Variants in GUCY1A2 observed in about 807,000 individuals in gnomAD.
GUCY1A2 encodes guanylate cyclase 1 soluble subunit alpha 2.
A neutral mutation model predicts 63.5 loss-of-function variants in GUCY1A2; 27 were observed. The observed-to-expected ratio is 0.43, with a 90% CI of 0.31 to 0.59. The LOEUF (loss-of-function observed/expected upper bound fraction) is 0.59. GUCY1A2 is among the 20% of genes least tolerant of loss of function. The probability of loss-of-function intolerance (pLI) is 0.11; values close to 1 mark genes in which losing one functional copy is unlikely to be tolerated. For missense variants in GUCY1A2, 768 were observed against 913.3 expected, an observed-to-expected ratio of 0.84 and a Z score of 2.05; for synonymous variants, 364 against 343.5, an observed-to-expected ratio of 1.06 and a Z score of -0.66.
chr11:106,814,596 C>G (rs972995761), intron 4 of GUCY1A2, among the ~76,000 whole-genome samples: 2 of 152,048 alleles, frequency 1.3e-5, no homozygotes, highest in African/African-American at 4.8e-5. Flanking sequence ...AAAATCCCCT[C>G]CATATAGAGA....
At chr11:107,015,267 A>G (rs903107796) in intron 1 of GUCY1A2, among the ~76,000 whole-genome samples, 4 of 152,308 alleles carry the variant, frequency 2.6e-5, no homozygotes, top group South Asian at 4.1e-4. Context: ...TGGCATGGAA[A>G]GTATATAGAG....
At chr11:106,835,950 T>C (rs1326612013) in intron 4 of GUCY1A2, among the ~76,000 whole-genome samples, 1 of 152,002 alleles carries the variant, frequency 6.6e-6, no homozygotes, top group Non-Finnish European at 1.5e-5. Flanking sequence ...TAGGTAAATC[T>C]AAGCAAAAAT....
At chr11:106,865,242 ATC>A (rs1859575117) in intron 4 of GUCY1A2, among the ~76,000 whole-genome samples, 1 of 152,002 alleles carries the variant, frequency 6.6e-6, no homozygotes, top group African/African-American at 2.4e-5. Flanking sequence ...CAGTAGTGAT[ATC>A]TCTTTTATCA....
intron 2 of GUCY1A2, among the ~76,000 whole-genome samples, chr11:106,981,373 C>A (rs1360291633): frequency 6.7e-6 from 1 of 149,894 alleles, no homozygotes; most frequent in Non-Finnish European, 1.5e-5. Context: ...ATAATTGGAG[C>A]AATACAATTT....
chr11:106,693,251 C>T (rs1421857814), intron 7 of GUCY1A2, among the ~76,000 whole-genome samples: 4 of 152,182 alleles, frequency 2.6e-5, no homozygotes, highest in Non-Finnish European at 5.9e-5. Flanking sequence ...GTTCATTCTT[C>T]TCTCAACTTG....
intron 4 of GUCY1A2, among the ~76,000 whole-genome samples, chr11:106,840,624 G>T (rs1467449479): frequency 6.6e-6 from 1 of 151,940 alleles, no homozygotes; most frequent in Non-Finnish European, 1.5e-5. Flanking sequence ...TACACATAAA[G>T]AGGTGTAAAA....
chr11:106,721,868 T>C (rs1286671991), intron 6 of GUCY1A2, among the ~76,000 whole-genome samples: 1 of 152,214 alleles, frequency 6.6e-6, no homozygotes, highest in Non-Finnish European at 1.5e-5. Context: ...ACTGAAGTTA[T>C]GAGCACAGAT....
intron 6 of GUCY1A2, among the ~76,000 whole-genome samples, chr11:106,736,753 G>A (rs923497642): frequency 2.0e-5 from 3 of 152,004 alleles, no homozygotes; most frequent in African/African-American, 4.8e-5. Flanking sequence ...TGATCCTTCC[G>A]ATCCATTAAT....
intron 4 of GUCY1A2, among the ~76,000 whole-genome samples, chr11:106,813,862 A>C (rs1386358502): frequency 6.6e-6 from 1 of 152,130 alleles, no homozygotes; most frequent in Non-Finnish European, 1.5e-5. Context: ...TGTGCTGAGT[A>C]CTTAATTAAT....
intron 1 of GUCY1A2, among the ~76,000 whole-genome samples, chr11:107,008,810 A>G (rs527352577): frequency 6.6e-6 from 1 of 152,346 alleles, no homozygotes; most frequent in African/African-American, 2.4e-5. Flanking sequence ...GTACATAAAA[A>G]CAGTCAGAAA....
chr11:106,965,409 G>A (rs1861114820), intron 3 of GUCY1A2, among the ~76,000 whole-genome samples: 1 of 152,090 alleles, frequency 6.6e-6, no homozygotes, highest in South Asian at 2.1e-4. Flanking sequence ...ACATACATAT[G>A]TATACATGTA....
At chr11:106,873,747 T>G (rs1198445386) in intron 4 of GUCY1A2, among the ~76,000 whole-genome samples, 2 of 152,218 alleles carry the variant, frequency 1.3e-5, no homozygotes, top group Non-Finnish European at 1.5e-5. Flanking sequence ...TAGTTTCTTT[T>G]GTTGTGCAGA....
intron 4 of GUCY1A2, among the ~76,000 whole-genome samples, chr11:106,919,957 TAAAGCA>T (rs1860420080): frequency 6.6e-6 from 1 of 152,082 alleles, no homozygotes; most frequent in Non-Finnish European, 1.5e-5. Context: ...GAAAACATGT[TAAAGCA>T]CTTTAAAAAT....
At chr11:107,012,017 A>C (rs1233275672) in intron 1 of GUCY1A2, among the ~76,000 whole-genome samples, 1 of 152,186 alleles carries the variant, frequency 6.6e-6, no homozygotes, top group Non-Finnish European at 1.5e-5. Flanking sequence ...ATTTAAAATT[A>C]ACTTGTCATG....
chr11:106,914,917 G>A (rs1490614997), intron 4 of GUCY1A2, among the ~76,000 whole-genome samples: 1 of 152,020 alleles, frequency 6.6e-6, no homozygotes, highest in African/African-American at 2.4e-5. Flanking sequence ...AACTTTTCTT[G>A]GATCAGACAA....
In GUCY1A2 at chr11:106,772,310, C is replaced by A. The variant is rs184805015; in HGVS notation, c.1836+4129G>T. Among the ~76,000 whole-genome samples the A allele has an allele frequency of 1.1e-4, 16 of 152,204 alleles. No homozygotes were observed. The East Asian group carries it at 3.1e-3, about 29-fold the overall frequency. On this transcript the variant is annotated intron_variant, in intron 6 of 7. Coordinates refer to ENST00000526355, the MANE Select transcript of GUCY1A2 (RefSeq NM_000855.3). ...TATTATAATAACTTGTAATTTAAAT[C>A]ACCTAAAAACTTACATAATTTGAGG...
At chr11:106,852,602 C>T (rs907999519) in intron 4 of GUCY1A2, among the ~76,000 whole-genome samples, 11 of 152,054 alleles carry the variant, frequency 7.2e-5, no homozygotes, top group Admixed American at 6.6e-4. Flanking sequence ...ATTGATGTAA[C>T]ATATCACATT....
intron 4 of GUCY1A2, among the ~76,000 whole-genome samples, chr11:106,872,152 T>G (rs1859687865): frequency 1.3e-5 from 2 of 152,154 alleles, no homozygotes; most frequent in Non-Finnish European, 2.9e-5. Context: ...CAAAATTAAC[T>G]ATAATTAAAT....
chr11:106,788,511 T>C (rs1306665764), intron 5 of GUCY1A2, among the ~76,000 whole-genome samples: 2 of 152,230 alleles, frequency 1.3e-5, no homozygotes, highest in Admixed American at 1.3e-4. Flanking sequence ...AGTGGTTTCA[T>C]AGTTTGAGGT....
Sources: gnomAD v4.1 joint callset for allele counts (sites outside exome capture counted in the v4.1 genomes callset) on GRCh38, gnomAD v4.1.1 for gene constraint, MANE v1.5 for transcripts, NCBI Gene and HGNC (gene_info 2026-07-23, HGNC 2026-07-21) for gene names.